POLR1G: variants seen among roughly 807,000 people sequenced by gnomAD.
POLR1G encodes RNA polymerase I subunit G.
A neutral mutation model predicts 6.3 loss-of-function variants in POLR1G; 9 were observed. The ratio of observed to expected loss-of-function variants is 1.44; its 90% CI spans 0.87 to 2.51. POLR1G has a LOEUF of 2.51. POLR1G is among the 30% of genes most tolerant of loss of function. POLR1G has a pLI of 0.00. For synonymous variants in POLR1G, 248 were observed against 256.5 expected, an observed-to-expected ratio of 0.97 and a Z score of 0.32; for missense variants, 617 against 632.5, an observed-to-expected ratio of 0.98 and a Z score of 0.26.
At position 45,407,156 on chromosome 19, in the gene POLR1G, C is replaced by A. The variant is rs1023139849; in HGVS notation, c.85C>A (p.Arg29Ser). ...TAKPPASESP[R>S]FSLEALTGPD... ...GAAGCCCCCAGCCTCAGAGTCCCCT[C>A]GTTTCTCCTTGGAGGCGCTGACGGG... Residue 29 changes from arginine (R) to serine (S), a missense_variant, in exon 2 of 3, where the codon CGT (arginine) becomes AGT (serine). By Grantham distance (110) the Arg-to-Ser change is moderately radical (BLOSUM62 -1). Coordinates refer to ENST00000309424, the MANE Select transcript of POLR1G (RefSeq NM_012099.3). The A allele has an allele frequency of 6.2e-7, 1 of 1,612,694 alleles. No homozygotes were observed. The highest frequency in any genetic ancestry group is 8.5e-7 in the Non-Finnish European group (1 of 1,179,684).
At chr19:45,407,678 G>T in intron 2 of POLR1G, 2 of 251,414 alleles carry the variant, frequency 8.0e-6, no homozygotes, top group Non-Finnish European at 7.6e-6. Context: ...CCTGGGATGT[G>T]GTTATTTTCA....
chr19:45,408,099 C>T, intron 2 of POLR1G, 34 bp from the exon 3 acceptor site: 1 of 1,540,966 alleles, frequency 6.5e-7, no homozygotes, highest in Non-Finnish European at 8.8e-7. Context: ...TCCTGTTCCA[C>T]TTAAGCCTCT....
chr19:45,406,863 A>T lies in POLR1G; in HGVS notation c.22+145A>T, dbSNP rs1437264003. On this transcript the variant is annotated intron_variant, in intron 1 of 2. Coordinates refer to ENST00000309424, the MANE Select transcript of POLR1G (RefSeq NM_012099.3). The surrounding 1 kb of genome is among the most constrained non-coding windows in gnomAD (Gnocchi z 4.2). ...TTCCCAGTGGGCGAACGGGAATTCGAACGGAGAGAGGGTTATCTTGTGGGG... is the reference window on the plus strand; with the variant it reads ...TTCCCAGTGGGCGAACGGGAATTCGTACGGAGAGAGGGTTATCTTGTGGGG... 4 of 987,066 alleles carry T rather than the reference A, an allele frequency of 4.1e-6. No homozygotes were observed. The allele number at this position is 987,066 out of a possible 1,614,324, so 61.1% of individuals were successfully genotyped here.
rs745481928 is a variant in POLR1G at position 45,409,471 on chromosome 19, G to A, written c.1503G>A (p.Lys501=). 3.1e-6 allele frequency: 5 copies of A among 1,611,612 alleles called. No homozygotes were observed. The East Asian group carries it at 1.1e-4, about 36-fold the overall frequency. Residue 501 remains lysine (K), a synonymous_variant, in exon 3 of 3, where the codon AAG becomes AAA. Coordinates refer to ENST00000309424, the MANE Select transcript of POLR1G (RefSeq NM_012099.3). The part of the protein sequence containing the change: ...GEEAPTGRDK[K]RKQQQQQPV ...AGGCTCCCACAGGCCGGGACAAGAAGCGGAAGCAGCAGCAGCAGCAGCCTG... is the reference window on the plus strand; with the variant it reads ...AGGCTCCCACAGGCCGGGACAAGAAACGGAAGCAGCAGCAGCAGCAGCCTG...
Position 45,409,166 on chromosome 19 carries a change from G to A in POLR1G, c.1198G>A (p.Glu400Lys), listed in dbSNP as rs1281209870. ...ACAGCAAGATGCCACAGTGGAGCCA[G>A]AGACAGAGGTGGTGGGGCCTGAGCT... ...EKQQDATVEPETEVVGPELPD... is the reference protein window; with the variant it reads ...EKQQDATVEPKTEVVGPELPD... Residue 400 changes from glutamate to lysine, a missense_variant, in exon 3 of 3, where the codon GAG (glutamate) becomes AAG (lysine). Glu to Lys is a moderately conservative substitution (Grantham distance 56, BLOSUM62 1). Coordinates refer to ENST00000309424, the MANE Select transcript of POLR1G (RefSeq NM_012099.3). The A allele has an allele frequency of 6.2e-7, 1 of 1,613,620 alleles. No individual in the cohort carries two copies. Among genetic ancestry groups the A allele is most frequent in the East Asian group, 2.2e-5 (1 of 44,842 alleles).
At chr19:45,407,914 C>A (rs1196525220) in intron 2 of POLR1G, 5 of 473,908 alleles carry the variant, frequency 1.1e-5, no homozygotes, top group Non-Finnish European at 1.8e-5. Flanking sequence ...ATTGGCTGGG[C>A]GTGGTGGCAG....
rs763663970 is a variant in POLR1G at position 45,408,337 on chromosome 19, A to G, written c.369A>G (p.Gln123=). 1.4e-5 allele frequency: 23 copies of G among 1,608,920 alleles called. No homozygotes were observed. The highest frequency in any genetic ancestry group is 2.0e-5 in the Non-Finnish European group (23 of 1,176,374). Reference sequence around the variant, plus strand: ...TAAGGATCCTTGAGGGTCCCCAGCAATCCCTGTCAGGGAGCCCTCTGCAGC... The same window carrying G: ...TAAGGATCCTTGAGGGTCCCCAGCAGTCCCTGTCAGGGAGCCCTCTGCAGC... ...GTLRILEGPQ[Q]SLSGSPLQPI... is the part of the protein sequence containing the mutation. Residue 123 remains glutamine, a synonymous_variant, in exon 3 of 3, where the codon CAA becomes CAG. Transcript: ENST00000309424.
chr19:45,408,655 T>C lies in POLR1G; in HGVS notation c.687T>C (p.Pro229=). 1.2e-6 allele frequency: 2 copies of C among 1,613,084 alleles called. No homozygotes were observed. Among genetic ancestry groups the C allele is most frequent in the Non-Finnish European group, 1.7e-6 (2 of 1,179,760 alleles). ...QQLKEPEAAG[P]VGTEPTVETL... ...TGAAAGAACCAGAGGCAGCAGGGCC[T>C]GTGGGGACAGAGCCCACAGTGGAGA... The change falls in exon 3 of 3, where the codon CCT becomes CCC. Residue 229 remains proline, a synonymous_variant. Transcript: ENST00000309424.
Position 45,408,544 on chromosome 19 carries a change from T to C in POLR1G, c.576T>C (p.Asn192=), listed in dbSNP as rs1306345910. ...CCCCAGTCACTCAGGAGGCAGTGAA[T>C]GGGCACGGGGCCCTGGAGGTGGACA... The part of the protein sequence containing the change: ...TEAPVTQEAV[N]GHGALEVDMA... Residue 192 remains asparagine (N), a synonymous_variant, in exon 3 of 3, where the codon AAT becomes AAC. Coordinates refer to ENST00000309424, the MANE Select transcript of POLR1G (RefSeq NM_012099.3). 6.2e-7 allele frequency: 1 copy of C among 1,613,628 alleles called. No individual in the cohort carries two copies. The highest frequency in any genetic ancestry group is 8.5e-7 in the Non-Finnish European group (1 of 1,179,950).
At position 45,408,854 on chromosome 19, in the gene POLR1G, A is replaced by G. The variant is rs1212695862; in HGVS notation, c.886A>G (p.Thr296Ala). The G allele has an allele frequency of 1.9e-6, 3 of 1,614,044 alleles. No homozygotes were observed. The highest frequency in any genetic ancestry group is 2.7e-5 in the African/African-American group (2 of 74,940). The part of the protein sequence containing the change: ...PTKKRKRQKG[T>A]EGMEPEEGVT... ...CAAAAAGAGAAAGAGGCAAAAGGGG[A>G]CGGAAGGGATGGAGCCAGAGGAGGG... is the stretch of plus-strand genomic sequence containing the variant. The change falls in exon 3 of 3, where the codon ACG becomes GCG. Residue 296 changes from threonine to alanine, a missense_variant. Coordinates refer to ENST00000309424, the MANE Select transcript of POLR1G (RefSeq NM_012099.3).
intron 2 of POLR1G, 98 bp downstream of exon 2, chr19:45,407,333 G>A: frequency 8.4e-7 from 1 of 1,191,540 alleles, no homozygotes; most frequent in South Asian, 1.4e-5. Context: ...GAGTCACAGA[G>A]CACAGTGAAA....
Position 45,408,822 on chromosome 19 carries a change from C to G in POLR1G, c.854C>G (p.Ser285Cys). Residue 285 changes from serine to cysteine, a missense_variant, in exon 3 of 3, where the codon TCC becomes TGC. Ser to Cys is a moderately radical substitution (Grantham distance 112). Transcript: ENST00000309424. ...NTEPLEDTVL[S>C]PTKKRKRQKG... is the part of the protein sequence containing the mutation. ...GAGCCTCTAGAAGACACAGTCCTGT[C>G]CCCGACCAAAAAGAGAAAGAGGCAA... 20 of 1,613,978 alleles carry G rather than the reference C, an allele frequency of 1.2e-5. No individual in the cohort carries two copies. Among genetic ancestry groups the G allele is most frequent in the Non-Finnish European group, 1.7e-5 (20 of 1,180,010 alleles).
At position 45,409,722 on chromosome 19, in the gene POLR1G, G is replaced by A. The variant is rs746659793; in HGVS notation, c.*221G>A. 2.0e-5 allele frequency: 17 copies of A among 830,406 alleles called. No individual in the cohort carries two copies. Among genetic ancestry groups the A allele is most frequent in the African/African-American group, 3.3e-5 (2 of 60,056 alleles). 51.4% of individuals were successfully genotyped at this position (830,406 alleles called of 1,614,324 possible). A position where few individuals can be genotyped will look rare whatever the true frequency, so the allele number is the denominator to read the frequency against. Reference sequence around the variant, plus strand: ...TCGTGCAGGACATCAAACAGCCTCCGGGCCTGGATGGGAGGGAGAAAAAAA... The same window carrying A: ...TCGTGCAGGACATCAAACAGCCTCCAGGCCTGGATGGGAGGGAGAAAAAAA... On this transcript the variant is annotated 3_prime_UTR_variant, in exon 3 of 3. Coordinates refer to ENST00000309424, the MANE Select transcript of POLR1G (RefSeq NM_012099.3).
chr19:45,408,247 C>A lies in POLR1G; in HGVS notation c.279C>A (p.Thr93=). The stretch of plus-strand genomic sequence containing the variant: ...GCTGTCCCCAAGCTGGAGAAGCGAC[C>A]CTGCTGGCCCCCTCAACGGAGGCAG... The part of the protein sequence containing the change: ...LSSCPQAGEA[T]LLAPSTEAGG... The change falls in exon 3 of 3, where the codon ACC becomes ACA. Residue 93 remains threonine (T), a synonymous_variant. Coordinates refer to ENST00000309424, the MANE Select transcript of POLR1G (RefSeq NM_012099.3). 2 of 1,614,118 alleles carry A rather than the reference C, an allele frequency of 1.2e-6. No individual in the cohort carries two copies. Among genetic ancestry groups the A allele is most frequent in the Middle Eastern group, 1.6e-4 (1 of 6,062 alleles).
In POLR1G at chr19:45,410,730, G is replaced by A. The variant is rs1364400438; in HGVS notation, c.*1229G>A. On this transcript the variant is annotated 3_prime_UTR_variant, in exon 3 of 3. Transcript: ENST00000309424. ...TAGATACACAAATAAATAAGAACATGCAATGTTTGTCTTTCTGTGCCTGGC... is the reference window on the plus strand; with the variant it reads ...TAGATACACAAATAAATAAGAACATACAATGTTTGTCTTTCTGTGCCTGGC... 2 of 152,054 alleles carry A rather than the reference G, an allele frequency of 1.3e-5. No homozygotes were observed. The highest frequency in any genetic ancestry group is 2.1e-4 in the South Asian group (1 of 4,826). 9.4% of individuals were successfully genotyped at this position (152,054 alleles called of 1,614,324 possible).
chr19:45,407,838 T>A, intron 2 of POLR1G: 1 of 294,698 alleles, frequency 3.4e-6, no homozygotes, highest in South Asian at 9.4e-5. Flanking sequence ...AGCAGATCAC[T>A]TGAGGTCAGG....
At position 45,406,933 on chromosome 19, in the gene POLR1G, A is replaced by T; in HGVS notation, c.23-161A>T. Reference sequence around the variant, plus strand: ...GGCGCCCCCAGGGGTTGGATCGGTGAAATTGAGGTCGCCCCTGGGGAACAG... The same window carrying T: ...GGCGCCCCCAGGGGTTGGATCGGTGTAATTGAGGTCGCCCCTGGGGAACAG... On this transcript the variant is annotated intron_variant, in intron 1 of 2. Transcript: ENST00000309424. This position sits in a 1 kb window ranked among gnomAD's most constrained non-coding sequence, Gnocchi z 4.2. 1 of 1,080,940 alleles carries T rather than the reference A, an allele frequency of 9.3e-7. No homozygotes were observed. 67.0% of individuals were successfully genotyped at this position (1,080,940 alleles called of 1,614,324 possible).
At position 45,408,706 on chromosome 19, in the gene POLR1G, C is replaced by T. The variant is rs769283749; in HGVS notation, c.738C>T (p.Phe246=). 1.5e-5 allele frequency: 25 copies of T among 1,613,640 alleles called. 1 individual carries two copies. In the South Asian group the frequency reaches 2.7e-4, roughly 18 times the overall value. ...VETLEPLGVL[F]PSTTKKRKKP... The stretch of plus-strand genomic sequence containing the variant: ...CACTGGAGCCTCTGGGAGTGCTGTT[C>T]CCGTCCACCACCAAGAAGAGGAAGA... Residue 246 remains phenylalanine (F), a synonymous_variant, in exon 3 of 3, where the codon TTC becomes TTT. Transcript: ENST00000309424.
At position 45,406,717 on chromosome 19, in the gene POLR1G, C is replaced by A; in HGVS notation, c.21C>A (p.Gly7=). ...CCAGGATGGAGGAGCCCCAGGCCGG[C>A]GGTGAGGGTGCGGGTTGACGGGGTG... is the stretch of plus-strand genomic sequence containing the variant. The part of the protein sequence containing the change: MEEPQA[G]DAARFSCPPN... The change falls in exon 1 of 3, where the codon GGC becomes GGA. Residue 7 remains glycine, a splice_region_variant and synonymous_variant. Coordinates refer to ENST00000309424, the MANE Select transcript of POLR1G (RefSeq NM_012099.3). The surrounding 1 kb of genome is among the most constrained non-coding windows in gnomAD (Gnocchi z 4.2). 1.3e-6 allele frequency: 2 copies of A among 1,530,926 alleles called. No individual in the cohort carries two copies. The highest frequency in any genetic ancestry group is 1.8e-6 in the Non-Finnish European group (2 of 1,140,904). 94.8% of individuals were successfully genotyped at this position (1,530,926 alleles called of 1,614,324 possible).
Sources: allele counts gnomAD v4.1 joint callset, GRCh38; gene constraint gnomAD v4.1.1; non-coding constraint Gnocchi (gnomAD v3.1); transcripts MANE v1.5; gene names NCBI Gene and HGNC (gene_info 2026-07-23, HGNC 2026-07-21).